Variants in ST7L observed in about 807,000 individuals in gnomAD.
ST7L encodes the protein suppressor of tumorigenicity 7 protein-like.
ST7L carries 57 observed loss-of-function variants against 72.5 expected under a neutral mutation model. The observed-to-expected ratio is 0.79, with a 90% confidence interval of 0.64 to 0.98. The LOEUF (loss-of-function observed/expected upper bound fraction) is 0.98, where lower values mean the gene tolerates loss of function less well. ST7L is among the 50% of genes least tolerant of loss of function. The pLI, the probability that ST7L is intolerant of heterozygous loss-of-function variation, is 0.00. For missense variants in ST7L, 576 were observed against 672.2 expected, an observed-to-expected ratio of 0.86 and a Z score of 1.58; for synonymous variants, 221 against 240.9, an observed-to-expected ratio of 0.92 and a Z score of 0.77.
chr1:112,518,498 G>A, the ST7L span: 2 of 152,158 alleles, frequency 1.3e-5, no homozygotes, highest in Admixed American at 6.6e-5. Context: ...AAAGTAGTCT[G>A]TATACTTTGT....
chr1:112,585,602 G>A (rs901302943), intron 6 of ST7L, among the ~76,000 whole-genome samples: 3 of 151,866 alleles, frequency 2.0e-5, no homozygotes, highest in East Asian at 1.9e-4. Context: ...GCGCAGTGGC[G>A]GGTGCCTGTA....
chr1:112,596,104 T>C (rs986751185), intron 5 of ST7L, among the ~76,000 whole-genome samples: 3 of 152,238 alleles, frequency 2.0e-5, no homozygotes, highest in African/African-American at 4.8e-5. Flanking sequence ...GTACTGATAC[T>C]GTGCTGCTGT....
intron 4 of ST7L, among the ~76,000 whole-genome samples, chr1:112,598,311 T>C (rs1358318622): frequency 6.6e-6 from 1 of 151,848 alleles, no homozygotes; most frequent in African/African-American, 2.4e-5. Context: ...CTTCTGAAAA[T>C]TGAATTGGGC....
chr1:112,565,784 A>G (rs1176465314), intron 11 of ST7L, among the ~76,000 whole-genome samples: 1 of 152,150 alleles, frequency 6.6e-6, no homozygotes, highest in African/African-American at 2.4e-5. Context: ...TGGGAGGCCA[A>G]GGTGGGCGGA....
chr1:112,568,928 G>A lies in ST7L; in HGVS notation c.1245+8058C>T, dbSNP rs79706513. ...AAATATGCAACTTGAACATATATCT[G>A]TCCAAAGAAAAAACACAAACAGCCA... is the stretch of plus-strand genomic sequence containing the variant. On this transcript the variant is annotated intron_variant, in intron 11 of 14. Transcript: ENST00000358039. 3.0e-4 allele frequency among the ~76,000 whole-genome samples: 44 copies of A among 145,408 alleles called. No homozygotes were observed. In the East Asian group the frequency reaches 6.4e-3, roughly 21 times the overall value.
chr1:112,613,782 C>CA (rs1669436096), intron 2 of ST7L, among the ~76,000 whole-genome samples: 1 of 152,052 alleles, frequency 6.6e-6, no homozygotes, highest in African/African-American at 2.4e-5. Context: ...GGCTGGAGTG[C>CA]AGTAGCATGA....
Position 112,559,043 on chromosome 1 carries a change from T to C in ST7L, c.1246-3025A>G, listed in dbSNP as rs114124385. 5.2e-3 allele frequency among the ~76,000 whole-genome samples: 793 copies of C among 152,306 alleles called. 2 individuals carry two copies. The highest frequency in any genetic ancestry group is 0.018 in the African/African-American group (756 of 41,524). On this transcript the variant is annotated intron_variant, in intron 11 of 14. Coordinates refer to ENST00000358039, the MANE Select transcript of ST7L (RefSeq NM_017744.5). The stretch of plus-strand genomic sequence containing the variant: ...TAAACCAAGTTCTTTCTATTAAAAT[T>C]CTGTTTCATTTCACAGACAAGAGAC...
chr1:112,553,711 T>A (rs1053827617), intron 12 of ST7L, among the ~76,000 whole-genome samples: 6 of 152,204 alleles, frequency 3.9e-5, no homozygotes, highest in African/African-American at 1.4e-4. Context: ...CTATATCACA[T>A]TGATTTTTGT....
chr1:112,577,386 G>A (rs1571133377), intron 10 of ST7L, among the ~76,000 whole-genome samples: 1 of 151,596 alleles, frequency 6.6e-6, no homozygotes, highest in East Asian at 1.9e-4. Flanking sequence ...AAATTAGCTG[G>A]GTGTGGTGGT....
intron 7 of ST7L, among the ~76,000 whole-genome samples, chr1:112,583,121 T>G (rs145929369): frequency 6.6e-6 from 1 of 152,196 alleles, no homozygotes; most frequent in African/African-American, 2.4e-5. Context: ...ATTTGTGTTA[T>G]AAAAACTGTG....
At chr1:112,547,960 T>C (rs1208318613) in intron 13 of ST7L, among the ~76,000 whole-genome samples, 1 of 152,162 alleles carries the variant, frequency 6.6e-6, no homozygotes, top group Non-Finnish European at 1.5e-5. Flanking sequence ...AGTTAAGTAC[T>C]TACAATGTGC....
rs77326862 is a variant in ST7L at position 112,584,956 on chromosome 1, C to T, written c.702-830G>A. Among the ~76,000 whole-genome samples the T allele has an allele frequency of 2.0e-3, 298 of 152,230 alleles. 7 individuals are homozygous for T. In the East Asian group the frequency reaches 0.034, roughly 17 times the overall value. On this transcript the variant is annotated intron_variant, in intron 6 of 14. Transcript: ENST00000358039. Reference sequence around the variant, plus strand: ...CATTTTCCCCAAATCTGAGTACTCCCCTCTGCATGCTGTCCCATCCACACA... The same window carrying T: ...CATTTTCCCCAAATCTGAGTACTCCTCTCTGCATGCTGTCCCATCCACACA...
Position 112,574,531 on chromosome 1 carries a change from C to T in ST7L, c.1245+2455G>A, listed in dbSNP as rs374742105. On this transcript the variant is annotated intron_variant, in intron 11 of 14. Coordinates refer to ENST00000358039, the MANE Select transcript of ST7L (RefSeq NM_017744.5). ...AAAATTAGCCAGGCGTGGTGGCGGG[C>T]GCCTGCAGTCTCAGCTACTTGGGAG... 3.7e-4 allele frequency among the ~76,000 whole-genome samples: 56 copies of T among 151,430 alleles called. 1 individual carries two copies. In the South Asian group the frequency reaches 9.8e-3, roughly 27 times the overall value.
In ST7L at chr1:112,587,564, T is replaced by C. The variant is rs544862652; in HGVS notation, c.702-3438A>G. ...GTTGCAGTGAGCCGAGATCGTGCCA[T>C]TGCACTCCAGCCTGGGCAAAAAGAG... On this transcript the variant is annotated intron_variant, in intron 6 of 14. Transcript: ENST00000358039. 6.6e-5 allele frequency among the ~76,000 whole-genome samples: 10 copies of C among 152,254 alleles called. No homozygotes were observed. The South Asian group carries it at 1.9e-3, about 28-fold the overall frequency.
chr1:112,565,941 G>A (rs1199691266), intron 11 of ST7L, among the ~76,000 whole-genome samples: 1 of 151,970 alleles, frequency 6.6e-6, no homozygotes, highest in African/African-American at 2.4e-5. Flanking sequence ...AGCCCACCAG[G>A]CTGAGGCTGC....
chr1:112,561,039 T>A (rs12082541), intron 11 of ST7L, among the ~76,000 whole-genome samples: 2,172 of 152,170 alleles, frequency 0.014, 64 homozygotes, highest in African/African-American at 0.05. Flanking sequence ...AAATTCATAT[T>A]TATATTTTAG....
intron 11 of ST7L, among the ~76,000 whole-genome samples, chr1:112,568,137 C>T (rs995142046): frequency 5.9e-5 from 9 of 152,026 alleles, no homozygotes; most frequent in Admixed American, 1.3e-4. Context: ...CTTGTGCACG[C>T]ATGTGAATGA....
chr1:112,599,059 C>CAAAAAAAAAAAAAAA (rs761424885), intron 4 of ST7L, among the ~76,000 whole-genome samples: 1 of 5,202 alleles, frequency 1.9e-4, no homozygotes, highest in African/African-American at 6.2e-4. Context: ...GACTCAGCCT[C>CAAAAAAAAAAAAAAA]AAAAAAAAAA....
Position 112,610,920 on chromosome 1 carries a change from TC to T in ST7L, c.371del (p.Gly124GlufsTer36), listed in dbSNP as rs1156272258. ...VSVSHLQPLM[G>X]GTESSISEPG... ...GTTCTGAAATGCTGCTCTCTGTTCC[TC>T]CCATCAGTGGTTGCAAATGGCTTAC... On this transcript the variant is annotated frameshift_variant, in exon 3 of 15. Coordinates refer to ENST00000358039, the MANE Select transcript of ST7L (RefSeq NM_017744.5). LOFTEE classifies it high-confidence loss of function. The T allele has an allele frequency of 1.9e-6, 3 of 1,614,222 alleles. No homozygotes were observed. The East Asian group carries it at 6.7e-5, about 36-fold the overall frequency.
Sources: gnomAD v4.1 joint callset for allele counts (sites outside exome capture counted in the v4.1 genomes callset) on GRCh38, gnomAD v4.1.1 for gene constraint, MANE v1.5 for transcripts, NCBI Gene and HGNC (gene_info 2026-07-23, HGNC 2026-07-21) for gene names.